Variants in VPS13D observed in about 807,000 individuals in gnomAD.
The protein encoded by VPS13D is vacuolar protein sorting 13 homolog D, also known as intermembrane lipid transfer protein VPS13D.
Under a neutral mutation model 461.9 loss-of-function variants are expected in VPS13D, and 187 were observed. The observed-to-expected ratio is 0.40, with a 90% CI of 0.36 to 0.46. The LOEUF (loss-of-function observed/expected upper bound fraction) is 0.46, where lower values mean the gene tolerates loss of function less well. Ranked by LOEUF, VPS13D falls within the 20% of genes least tolerant of loss-of-function variation. The probability of loss-of-function intolerance (pLI) is 0.60; values close to 1 mark genes in which losing one functional copy is unlikely to be tolerated. For synonymous variants in VPS13D, 1,951 were observed against 1,986.3 expected, an observed-to-expected ratio of 0.98 and a Z score of 0.47; for missense variants, 4,711 against 5,364.9, an observed-to-expected ratio of 0.88 and a Z score of 3.81.
chr1:12,397,016 C>T (rs541429870), intron 60 of VPS13D, among the ~76,000 whole-genome samples: 2 of 152,286 alleles, frequency 1.3e-5, no homozygotes, highest in African/African-American at 4.8e-5. Context: ...TTACTGCAAC[C>T]TCCGCCTCCC....
chr1:12,246,806 C>T (rs1224050928), intron 5 of VPS13D, among the ~76,000 whole-genome samples: 1 of 152,212 alleles, frequency 6.6e-6, no homozygotes, highest in Non-Finnish European at 1.5e-5. Flanking sequence ...GGTCAAGTCT[C>T]TTTGGAATGG....
rs539581415 is a variant in VPS13D, at chr1:12,252,543, G to A, written c.565-1179G>A. Among the ~76,000 whole-genome samples the A allele has an allele frequency of 2.4e-4, 37 of 152,120 alleles. No individual in the cohort carries two copies. In the South Asian group the frequency reaches 7.2e-3, roughly 30 times the overall value. On this transcript the variant is annotated intron_variant, in intron 6 of 69. Transcript: ENST00000620676. Reference sequence around the variant, plus strand: ...TCCCAGCACTTTGGGAGGCCGAGGCGGGCAGATCGCCTGAGTTCAGGAGTT... The same window carrying A: ...TCCCAGCACTTTGGGAGGCCGAGGCAGGCAGATCGCCTGAGTTCAGGAGTT...
At chr1:12,338,122 G>A (rs919309596) in intron 39 of VPS13D, 109 bp from the exon 40 acceptor site, 4 of 961,356 alleles carry the variant, frequency 4.2e-6, no homozygotes, top group Admixed American at 3.5e-5. Context: ...CTTGCATGAT[G>A]CTTGCTATTT....
intron 63 of VPS13D, among the ~76,000 whole-genome samples, chr1:12,404,910 A>C (rs1385346921): frequency 6.6e-6 from 1 of 152,154 alleles, no homozygotes; most frequent in Non-Finnish European, 1.5e-5. Context: ...ATTCTGTTGC[A>C]CTTAAAGATA....
At chr1:12,496,656 G>A (rs1158177174) in intron 67 of VPS13D, among the ~76,000 whole-genome samples, 1 of 152,216 alleles carries the variant, frequency 6.6e-6, no homozygotes, top group Admixed American at 6.5e-5. Context: ...TCTGAAATAT[G>A]CACAGCCTTT....
At position 12,345,337 on chromosome 1, in the gene VPS13D, T is replaced by G. The variant is rs370038618; in HGVS notation, c.8886-37T>G. ...TTCTACTTTTCATCCCTTCTGGAGA[T>G]TGTGCCTAATATCTTTTTCTTTGTT... On this transcript the variant is annotated intron_variant, in intron 42 of 69. Transcript: ENST00000620676. 6.3e-6 allele frequency: 10 copies of G among 1,585,418 alleles called. No individual in the cohort carries two copies. The African/African-American group carries it at 1.3e-4, about 21-fold the overall frequency.
At position 12,400,962 on chromosome 1, in the gene VPS13D, GCACACACACA is replaced by G. The variant is rs55998605; in HGVS notation, c.11785-613_11785-604del. On this transcript the variant is annotated intron_variant, in intron 61 of 69. Transcript: ENST00000620676. ...GAGTGAGATGTGCACCTGCGCGCGC[GCACACACACA>G]CACACACACACACACACACACACAC... Among the ~76,000 whole-genome samples the G allele has an allele frequency of 2.0e-3, 209 of 106,298 alleles. 1 individual carries two copies. The highest frequency in any genetic ancestry group is 6.2e-3 in the African/African-American group (184 of 29,784). The allele number at this position is 106,298 out of a possible 152,430, so 69.7% of individuals were successfully genotyped here.
At position 12,450,429 on chromosome 1, in the gene VPS13D, A is replaced by G. The variant is rs12033108; in HGVS notation, c.12334-5569A>G. ...TGGTAGCTGAGGTTTGCAGCTGTAC[A>G]ACCTTGTATAGTCTCTGACTTGTGG... On this transcript the variant is annotated intron_variant, in intron 65 of 69. Transcript: ENST00000620676. Among the ~76,000 whole-genome samples, 1,414 of 152,314 alleles carry G rather than the reference A, an allele frequency of 9.3e-3. 36 individuals carry two copies. Among genetic ancestry groups the G allele is most frequent in the Admixed American group, 0.053 (817 of 15,306 alleles).
intron 5 of VPS13D, among the ~76,000 whole-genome samples, chr1:12,248,593 C>T (rs552423151): frequency 6.6e-6 from 1 of 152,218 alleles, no homozygotes; most frequent in South Asian, 2.1e-4. Context: ...AATATTCCTG[C>T]CTCAGCTTCC....
intron 65 of VPS13D, among the ~76,000 whole-genome samples, chr1:12,427,242 T>TTTATTA (rs55913483): frequency 0.027 from 3,439 of 128,710 alleles, 39 homozygotes; most frequent in African/African-American, 0.037. Context: ...TTGTCATTAT[T>TTTATTA]TTATTATTAT....
intron 22 of VPS13D, 105 bp downstream of exon 22, chr1:12,288,418 G>A (rs1238850578): frequency 1.5e-5 from 15 of 1,009,290 alleles, no homozygotes; most frequent in Non-Finnish European, 2.3e-5. Flanking sequence ...AGGTGTGGCA[G>A]TGGCTTGATT....
intron 5 of VPS13D, 131 bp downstream of exon 5, chr1:12,244,748 A>G (rs1249042361): frequency 1.3e-6 from 1 of 789,136 alleles, no homozygotes; most frequent in South Asian, 1.8e-5. Context: ...CTGGCTGCTC[A>G]GGTCTGCCCT....
At chr1:12,461,053 A>G (rs1229006739) in intron 67 of VPS13D, among the ~76,000 whole-genome samples, 1 of 152,158 alleles carries the variant, frequency 6.6e-6, no homozygotes, top group East Asian at 1.9e-4. Flanking sequence ...ACAGAACCCA[A>G]CTGCTTTAAC....
chr1:12,341,751 T>C (rs2101575992), intron 40 of VPS13D, 29 bp from the exon 41 acceptor site: 1 of 1,607,152 alleles, frequency 6.2e-7, no homozygotes. Context: ...TAGGGGCGTC[T>C]GCTCATAGCC....
chr1:12,262,226 A>G, intron 13 of VPS13D, 146 bp downstream of exon 13: 1 of 884,770 alleles, frequency 1.1e-6, no homozygotes, highest in Non-Finnish European at 1.7e-6. Context: ...TCTTAGGGGA[A>G]ATACTGGGTT....
intron 65 of VPS13D, among the ~76,000 whole-genome samples, chr1:12,432,192 G>A (rs1385130360): frequency 6.6e-6 from 1 of 151,946 alleles, no homozygotes; most frequent in Non-Finnish European, 1.5e-5. Context: ...TCGGGAGTTC[G>A]AGATTAGCCT....
intron 13 of VPS13D, among the ~76,000 whole-genome samples, chr1:12,266,025 T>G (rs1641256891): frequency 6.6e-6 from 1 of 152,032 alleles, no homozygotes; most frequent in Non-Finnish European, 1.5e-5. Context: ...TAGTTGGTCA[T>G]GGTGACATGC....
intron 6 of VPS13D, among the ~76,000 whole-genome samples, chr1:12,253,393 C>A (rs1640805231): frequency 6.6e-6 from 1 of 152,118 alleles, no homozygotes; most frequent in Non-Finnish European, 1.5e-5. Context: ...TTGACCCAGC[C>A]CTTTCCTCCT....
intron 2 of VPS13D, among the ~76,000 whole-genome samples, chr1:12,240,772 G>T (rs1442531442): frequency 8.5e-6 from 1 of 117,628 alleles, no homozygotes; most frequent in East Asian, 2.7e-4. Context: ...TTTCGCTGGG[G>T]TTACAAACTT....
Sources: gnomAD v4.1 joint callset for allele counts (sites outside exome capture counted in the v4.1 genomes callset) on GRCh38, gnomAD v4.1.1 for gene constraint, MANE v1.5 for transcripts, NCBI Gene and HGNC (gene_info 2026-07-23, HGNC 2026-07-21) for gene names.